The following PREX1 variants were observed in gnomAD, a reference collection of about 807,000 sequenced individuals.
PREX1 encodes the protein phosphatidylinositol 3,4,5-trisphosphate-dependent Rac exchanger 1 protein.
PREX1 carries 41 observed loss-of-function variants against 198.3 expected under a neutral mutation model. That is an observed-to-expected ratio of 0.21 (90% CI 0.16 to 0.27). The LOEUF is 0.27. Among genes scored for constraint, PREX1 ranks in the 10% least tolerant of loss-of-function variants. PREX1 has a pLI of 1.00. For synonymous variants in PREX1, 843 were observed against 887.2 expected (o/e 0.95, Z 0.89); for missense variants, 1,620 against 2,200.7 (o/e 0.74, Z 5.28).
chr20:48,739,750 A>C (rs1312503064), intron 3 of PREX1, among the ~76,000 whole-genome samples: 1 of 152,146 alleles, frequency 6.6e-6, no homozygotes, highest in Non-Finnish European at 1.5e-5. Context: ...AAGAGTAAAA[A>C]ACACAGACTC....
intron 1 of PREX1, among the ~76,000 whole-genome samples, chr20:48,782,997 T>G (rs558216323): frequency 6.6e-6 from 1 of 152,170 alleles, no homozygotes; most frequent in African/African-American, 2.4e-5. Flanking sequence ...TAAACCAGAG[T>G]GCTGGTTAAC....
chr20:48,816,893 G>A (rs547098097), intron 1 of PREX1, among the ~76,000 whole-genome samples: 1 of 152,168 alleles, frequency 6.6e-6, no homozygotes, highest in Non-Finnish European at 1.5e-5. Context: ...CAGAAACTTC[G>A]AGGTAATTAA....
chr20:48,689,073 C>G (rs1030233994), intron 9 of PREX1, among the ~76,000 whole-genome samples: 5 of 152,238 alleles, frequency 3.3e-5, no homozygotes, highest in Admixed American at 1.3e-4. Context: ...GGGGGTCATG[C>G]CTTCAACCCA....
chr20:48,810,129 T>C (rs1016059722), intron 1 of PREX1, among the ~76,000 whole-genome samples: 5 of 152,216 alleles, frequency 3.3e-5, no homozygotes, highest in African/African-American at 1.2e-4. Context: ...AGAGTGTCTT[T>C]GCCTAGTAAA....
intron 27 of PREX1, among the ~76,000 whole-genome samples, chr20:48,643,718 G>A (rs796547762): frequency 1.3e-5 from 2 of 152,138 alleles, no homozygotes; most frequent in African/African-American, 2.4e-5. Context: ...CTGTCACCCA[G>A]GCTGGAGTGC....
chr20:48,628,615 T>C (rs886329896), intron 37 of PREX1, among the ~76,000 whole-genome samples: 3 of 152,126 alleles, frequency 2.0e-5, no homozygotes, highest in Non-Finnish European at 4.4e-5. Flanking sequence ...CTCCCCTAAG[T>C]TGTGACAACC....
chr20:48,787,935 G>A (rs553680091), intron 1 of PREX1, among the ~76,000 whole-genome samples: 5 of 152,212 alleles, frequency 3.3e-5, no homozygotes, highest in Non-Finnish European at 7.4e-5. Context: ...TCAAAATTAG[G>A]GAAGTCACAT....
chr20:48,630,753 C>A lies in PREX1; in HGVS notation c.4568G>T (p.Ser1523Ile), dbSNP rs563839257. 4.0e-5 allele frequency: 64 copies of A among 1,600,866 alleles called. 1 individual carries two copies. The highest frequency in any genetic ancestry group is 6.7e-5 in the Admixed American group (4 of 60,008). ...LERSNLPTDA[S>I]TTAVKIDQLI... is the part of the protein sequence containing the mutation. The stretch of plus-strand genomic sequence containing the variant: ...CTGGTCTATCTTTACCGCCGTGGTG[C>A]TGGCATCCGTGGGCAGGTTAGACCG... Residue 1523 changes from serine (S) to isoleucine (I), a missense_variant, in exon 36 of 40, where the codon AGC (serine) becomes ATC (isoleucine). By Grantham distance (142) the Ser-to-Ile change is moderately radical (BLOSUM62 -2). Around this residue, in one of 7 missense-constraint regions of PREX1, gnomAD observed 476 missense variants for 603.4 expected, o/e 0.79. Transcript: ENST00000371941.
At chr20:48,782,154 A>C (rs2090292379) in intron 1 of PREX1, among the ~76,000 whole-genome samples, 1 of 152,204 alleles carries the variant, frequency 6.6e-6, no homozygotes, top group Non-Finnish European at 1.5e-5. Context: ...GGAAAAAGTC[A>C]GGCTGGGTCA....
At chr20:48,860,127 G>C in the PREX1 span, among the ~76,000 whole-genome samples, 1 of 152,240 alleles carries the variant, frequency 6.6e-6, no homozygotes, top group Non-Finnish European at 1.5e-5. Context: ...AGCAATGCAA[G>C]TGTCCAACCA....
chr20:48,667,284 C>A (rs2089646795), intron 14 of PREX1, among the ~76,000 whole-genome samples: 1 of 152,216 alleles, frequency 6.6e-6, no homozygotes, highest in Admixed American at 6.5e-5. Context: ...GAAACACAAA[C>A]CCTAATTTGG....
chr20:48,882,458 C>T, the PREX1 span, among the ~76,000 whole-genome samples: 11 of 135,730 alleles, frequency 8.1e-5, no homozygotes, highest in East Asian at 4.3e-4. Flanking sequence ...GCCGAGATCG[C>T]GCCACTGCAC....
At chr20:48,716,883 C>A (rs1159988684) in intron 5 of PREX1, among the ~76,000 whole-genome samples, 2 of 152,144 alleles carry the variant, frequency 1.3e-5, no homozygotes, top group Non-Finnish European at 2.9e-5. Flanking sequence ...AAGCAGCCTC[C>A]TGAGCACAAG....
At chr20:48,703,760 C>A (rs1427051378) in intron 6 of PREX1, among the ~76,000 whole-genome samples, 1 of 152,200 alleles carries the variant, frequency 6.6e-6, no homozygotes, top group Non-Finnish European at 1.5e-5. Flanking sequence ...GCCTCTCCAG[C>A]CTTGGCCAAG....
chr20:48,664,691 A>C (rs2089622520), intron 15 of PREX1, among the ~76,000 whole-genome samples: 1 of 152,260 alleles, frequency 6.6e-6, no homozygotes, highest in African/African-American at 2.4e-5. Context: ...ACAGTAGTTG[A>C]GTGTGCAGCC....
rs73909710 is a variant in PREX1 at position 48,772,552 on chromosome 20, T to C, written c.220-24672A>G. Reference sequence around the variant, plus strand: ...GGGACACAGACCCAGCAGTTCCCTTTTTCTCTTTGCGGAACTTCCCACCAC... The same window carrying C: ...GGGACACAGACCCAGCAGTTCCCTTCTTCTCTTTGCGGAACTTCCCACCAC... On this transcript the variant is annotated intron_variant, in intron 1 of 39. Transcript: ENST00000371941. Among the ~76,000 whole-genome samples the C allele has an allele frequency of 7.8e-3, 1,193 of 152,350 alleles. 11 individuals are homozygous for C. Among genetic ancestry groups the C allele is most frequent in the African/African-American group, 0.027 (1,141 of 41,572 alleles).
chr20:48,673,461 C>T (rs578000791), intron 14 of PREX1, among the ~76,000 whole-genome samples: 210 of 152,322 alleles, frequency 1.4e-3, no homozygotes, highest in African/African-American at 4.9e-3. Flanking sequence ...GCAATGCCTC[C>T]CCTATGCTTT....
chr20:48,769,367 G>A (rs1431340417), intron 1 of PREX1, among the ~76,000 whole-genome samples: 129 of 152,192 alleles, frequency 8.5e-4, no homozygotes, highest in Middle Eastern at 3.4e-3. Context: ...GGTGTCCCCC[G>A]CCCACCACAG....
At chr20:48,763,410 C>T (rs960529472) in intron 1 of PREX1, among the ~76,000 whole-genome samples, 2 of 152,116 alleles carry the variant, frequency 1.3e-5, no homozygotes, top group African/African-American at 2.4e-5. Context: ...CCAAGTCACT[C>T]GGGGCCCCAG....
Sources: allele counts gnomAD v4.1 joint callset (sites outside exome capture counted in the v4.1 genomes callset), GRCh38; gene constraint gnomAD v4.1.1; regional missense constraint gnomAD v4.1.1; transcripts MANE v1.5; gene names NCBI Gene and HGNC (gene_info 2026-07-23, HGNC 2026-07-21).